Variants in C2CD3 observed in about 807,000 individuals in gnomAD.
C2CD3 encodes the protein C2 domain containing 3 centriole elongation regulator, also known as C2 domain-containing protein 3.
C2CD3 carries 148 observed loss-of-function variants against 234.0 expected under a neutral mutation model. The ratio of observed to expected loss-of-function variants is 0.63; its 90% CI spans 0.55 to 0.72. The LOEUF is 0.72. Ranked by LOEUF, C2CD3 falls within the 30% of genes least tolerant of loss-of-function variation. The pLI is 0.00. For missense variants in C2CD3, 2,577 were observed against 2,811.5 expected (o/e 0.92, Z 1.89); for synonymous variants, 1,000 against 1,035.4 (o/e 0.97, Z 0.66).
At chr11:74,121,656 A>T (rs1435523869) in intron 8 of C2CD3, among the ~76,000 whole-genome samples, 1 of 152,080 alleles carries the variant, frequency 6.6e-6, no homozygotes, top group Admixed American at 6.6e-5. Context: ...TGAATTAAAA[A>T]CAGTATTTAG....
intron 22 of C2CD3, among the ~76,000 whole-genome samples, chr11:74,084,025 A>G (rs1305780371): frequency 6.6e-6 from 1 of 152,222 alleles, no homozygotes. Flanking sequence ...TCACAATAGC[A>G]AAGACTTGGA....
intron 26 of C2CD3, among the ~76,000 whole-genome samples, chr11:74,050,820 A>G (rs1953643731): frequency 6.6e-6 from 1 of 151,568 alleles, no homozygotes; most frequent in South Asian, 2.1e-4. Flanking sequence ...TTCCTGCATG[A>G]AAAACTTGAT....
rs1956400133 is a variant in C2CD3 at position 74,103,536 on chromosome 11, A to G, written c.2175T>C (p.Ala725=). 6.2e-7 allele frequency: 1 copy of G among 1,613,956 alleles called. No homozygotes were observed. The highest frequency in any genetic ancestry group is 1.3e-5 in the African/African-American group (1 of 74,910). The part of the protein sequence containing the change: ...SGNTHYTPLC[A]PTSPNKALPE... ...GTAGTGCCTTATTTGGACTTGTAGG[A>G]GCACAAAGTGGGGTATAATGGGTGT... Residue 725 remains alanine, a synonymous_variant, in exon 14 of 33, where the codon GCT becomes GCC. Coordinates refer to ENST00000334126, the MANE Select transcript of C2CD3 (RefSeq NM_001286577.2).
In C2CD3 at chr11:74,034,002, G is replaced by T; in HGVS notation, c.6158C>A (p.Thr2053Asn). 1 of 1,536,548 alleles carries T rather than the reference G, an allele frequency of 6.5e-7. No homozygotes were observed. Among genetic ancestry groups the T allele is most frequent in the Non-Finnish European group, 8.7e-7 (1 of 1,147,000 alleles). ...PITRMQSSED[T>N]EAGPAYSDED... ...ATCACTGTAGGCTGGGCCTGCCTCA[G>T]TGTCTTCACTGCTCTGCATCCTTGT... is the stretch of plus-strand genomic sequence containing the variant. The change falls in exon 31 of 33, where the codon ACT becomes AAT. Residue 2053 changes from threonine (T) to asparagine (N), a missense_variant. By Grantham distance (65) the Thr-to-Asn change is moderately conservative. Transcript: ENST00000334126.
rs11235987 is a variant in C2CD3 at position 74,052,664 on chromosome 11, G to A, written c.5155+1943C>T. Among the ~76,000 whole-genome samples, 1,132 of 152,310 alleles carry A rather than the reference G, an allele frequency of 7.4e-3. 10 individuals are homozygous for A. Among genetic ancestry groups the A allele is most frequent in the African/African-American group, 0.026 (1,069 of 41,560 alleles). ...CTTGTGTTGATTCAGAGAAAAGCGA[G>A]TTATGATCAGCTCTTGCTGTATTTA... is the stretch of plus-strand genomic sequence containing the variant. On this transcript the variant is annotated intron_variant, in intron 26 of 32. Transcript: ENST00000334126.
chr11:74,142,335 A>C (rs540403052), intron 3 of C2CD3: 36 of 152,408 alleles, frequency 2.4e-4, no homozygotes, highest in African/African-American at 8.4e-4. Context: ...GAGATGAAGA[A>C]GGCTGATATC....
chr11:74,109,479 T>C, intron 11 of C2CD3: 1 of 204,426 alleles, frequency 4.9e-6, no homozygotes, highest in Non-Finnish European at 9.7e-6. Flanking sequence ...GCACTGTTTT[T>C]AAAAGACTAG....
chr11:74,034,463 C>T, intron 30 of C2CD3, 185 bp from the exon 31 acceptor site: 1 of 1,553,110 alleles, frequency 6.4e-7, no homozygotes, highest in South Asian at 1.2e-5. Context: ...GTACTTTATT[C>T]TAATATCAGA....
intron 11 of C2CD3, chr11:74,113,211 T>C (rs991576293): frequency 3.3e-5 from 5 of 153,740 alleles, no homozygotes; most frequent in Non-Finnish European, 5.8e-5. Flanking sequence ...ACAAGTTGCA[T>C]GATTCCATTT....
At chr11:74,102,519 G>A (rs56366246) in intron 14 of C2CD3, among the ~76,000 whole-genome samples, 43,088 of 152,076 alleles carry the variant, frequency 0.28, 7,119 homozygotes, top group African/African-American at 0.46. Context: ...ACCATGGGGA[G>A]AAGTGGGTTG....
chr11:74,094,466 C>T (rs1428032132), intron 17 of C2CD3, among the ~76,000 whole-genome samples: 2 of 152,140 alleles, frequency 1.3e-5, no homozygotes, highest in Non-Finnish European at 2.9e-5. Flanking sequence ...ACACTGGCAG[C>T]ACTCTGGCAA....
chr11:74,036,672 GAT>G (rs1952759713), intron 30 of C2CD3, among the ~76,000 whole-genome samples: 1 of 152,180 alleles, frequency 6.6e-6, no homozygotes, highest in South Asian at 2.1e-4. Context: ...AAGCTTGCTT[GAT>G]AAAGATTTCT....
chr11:74,074,953 G>A (rs144185743), intron 23 of C2CD3, among the ~76,000 whole-genome samples: 1 of 152,180 alleles, frequency 6.6e-6, no homozygotes, highest in East Asian at 1.9e-4. Context: ...GCATGGTGGT[G>A]TGTGTCTGCA....
chr11:74,072,920 A>C (rs1954865700), intron 24 of C2CD3, among the ~76,000 whole-genome samples: 1 of 152,206 alleles, frequency 6.6e-6, no homozygotes, highest in Admixed American at 6.5e-5. Context: ...ATACAGGGGC[A>C]AAGTGCCAGG....
intron 3 of C2CD3, among the ~76,000 whole-genome samples, chr11:74,152,856 G>A (rs941506436): frequency 2.0e-5 from 3 of 152,148 alleles, no homozygotes; most frequent in African/African-American, 7.2e-5. Context: ...GAAAATTTGG[G>A]AAAAGTGTTC....
At chr11:74,100,002 A>G (rs1344209140) in intron 15 of C2CD3, among the ~76,000 whole-genome samples, 1 of 152,248 alleles carries the variant, frequency 6.6e-6, no homozygotes, top group African/African-American at 2.4e-5. Context: ...AGTGAGGTGG[A>G]GCAATCAAAT....
At chr11:74,040,887 TTATC>T (rs1565219119) in intron 29 of C2CD3, among the ~76,000 whole-genome samples, 4 of 150,990 alleles carry the variant, frequency 2.6e-5, no homozygotes, top group African/African-American at 9.8e-5. Flanking sequence ...TAGGAAGCCT[TTATC>T]TATCACACAC....
intron 22 of C2CD3, 34 bp from the exon 23 acceptor site, chr11:74,078,751 T>G (rs752084641): frequency 6.5e-7 from 1 of 1,535,428 alleles, no homozygotes; most frequent in South Asian, 1.3e-5. Flanking sequence ...TCAATTATAG[T>G]CTTAAAAGTA....
At position 74,138,896 on chromosome 11, in the gene C2CD3, C is replaced by T; in HGVS notation, c.779G>A (p.Ser260Asn). Residue 260 changes from serine (S) to asparagine (N), a missense_variant, in exon 5 of 33, where the codon AGT becomes AAT. By Grantham distance (46) the Ser-to-Asn change is conservative. Coordinates refer to ENST00000334126, the MANE Select transcript of C2CD3 (RefSeq NM_001286577.2). The part of the protein sequence containing the change: ...IKDSSFGLQH[S>N]LNSGQSLESV... ...CTCTAAACTCTGTCCTGAATTAAGA[C>T]TGTGCTGTAGTCCAAAGGAAGAATC... is the stretch of plus-strand genomic sequence containing the variant. 3 of 1,613,066 alleles carry T rather than the reference C, an allele frequency of 1.9e-6. No homozygotes were observed. Among genetic ancestry groups the T allele is most frequent in the Middle Eastern group, 1.6e-4 (1 of 6,062 alleles).
Sources: allele counts gnomAD v4.1 joint callset (sites outside exome capture counted in the v4.1 genomes callset), GRCh38; gene constraint gnomAD v4.1.1; transcripts MANE v1.5; gene names NCBI Gene and HGNC (gene_info 2026-07-23, HGNC 2026-07-21).